The following JAKMIP1 variants were observed in gnomAD, a reference collection of about 807,000 sequenced individuals.
JAKMIP1 encodes janus kinase and microtubule interacting protein 1, also known as janus kinase and microtubule-interacting protein 1.
JAKMIP1 carries 33 observed loss-of-function variants against 113.0 expected under a neutral mutation model. That is an observed-to-expected ratio of 0.29 (90% CI 0.22 to 0.39). JAKMIP1 has a LOEUF of 0.39. JAKMIP1 is among the 10% of genes least tolerant of loss of function. The pLI, the probability that JAKMIP1 is intolerant of heterozygous loss-of-function variation, is 1.00. For missense variants in JAKMIP1, 813 were observed against 1,080.5 expected, an observed-to-expected ratio of 0.75 and a Z score of 3.47; for synonymous variants, 480 against 459.9, an observed-to-expected ratio of 1.04 and a Z score of -0.56.
chr4:6,177,857 G>T (rs889860343), intron 1 of JAKMIP1, among the ~76,000 whole-genome samples: 2 of 152,198 alleles, frequency 1.3e-5, no homozygotes, highest in African/African-American at 4.8e-5. Flanking sequence ...GCTGCAGGCT[G>T]TCCCTCTGCC....
chr4:6,151,670 C>T (rs537324223), intron 1 of JAKMIP1, among the ~76,000 whole-genome samples: 20 of 152,346 alleles, frequency 1.3e-4, no homozygotes, highest in Admixed American at 7.2e-4. Flanking sequence ...ACCTGTTCTC[C>T]TGTCTGCTGT....
At position 6,050,752 on chromosome 4, in the gene JAKMIP1, C is replaced by G. The variant is rs1715556473; in HGVS notation, c.1807-73G>C. 8.1e-7 allele frequency: 1 copy of G among 1,229,860 alleles called. No homozygotes were observed. Among genetic ancestry groups the G allele is most frequent in the South Asian group, 1.3e-5 (1 of 75,520 alleles). The allele number at this position is 1,229,860 out of a possible 1,614,324, so 76.2% of individuals were successfully genotyped here. On this transcript the variant is annotated intron_variant, in intron 13 of 20. Coordinates refer to ENST00000409021, the MANE Select transcript of JAKMIP1 (RefSeq NM_001099433.2). The surrounding 1 kb of genome is among the most constrained non-coding windows in gnomAD (Gnocchi z 7.4). ...CCACTTGCCATTTTCCCACGTTACT[C>G]AGCAAAAACCAAGGAATTCCAGTGG...
intron 1 of JAKMIP1, among the ~76,000 whole-genome samples, chr4:6,170,652 C>T (rs1189610544): frequency 6.6e-6 from 1 of 150,572 alleles, no homozygotes; most frequent in Non-Finnish European, 1.5e-5. Context: ...CTACCATTAC[C>T]ACCACCAATC....
intron 13 of JAKMIP1, chr4:6,053,651 A>G (rs1452012373): frequency 2.8e-6 from 1 of 354,196 alleles, no homozygotes; most frequent in Non-Finnish European, 4.1e-6. Context: ...TGTGTTATTA[A>G]TTGCAACAGT....
At chr4:6,062,068 C>T (rs972531693) in intron 10 of JAKMIP1, among the ~76,000 whole-genome samples, 9 of 152,232 alleles carry the variant, frequency 5.9e-5, no homozygotes, top group Admixed American at 2.6e-4. Flanking sequence ...TCCAAACAGA[C>T]GGCACAGGTG....
In JAKMIP1 at chr4:6,143,911, C is replaced by T. The variant is rs951266674; in HGVS notation, c.-147-30914G>A. Among the ~76,000 whole-genome samples the T allele has an allele frequency of 6.6e-6, 1 of 152,226 alleles. No homozygotes were observed. Among genetic ancestry groups the T allele is most frequent in the Non-Finnish European group, 1.5e-5 (1 of 68,038 alleles). The stretch of plus-strand genomic sequence containing the variant: ...ATTGGCTGATGGCTCTGGGTGAGTG[C>T]CTTCCTTCCTTCTCAGTCTCCAGGG... On this transcript the variant is annotated intron_variant, in intron 1 of 20. Coordinates refer to ENST00000409021, the MANE Select transcript of JAKMIP1 (RefSeq NM_001099433.2). This position sits in a 1 kb window ranked among gnomAD's most constrained non-coding sequence, Gnocchi z 4.9.
At chr4:6,152,522 G>A (rs929509914) in intron 1 of JAKMIP1, among the ~76,000 whole-genome samples, 1 of 152,124 alleles carries the variant, frequency 6.6e-6, no homozygotes, top group South Asian at 2.1e-4. Flanking sequence ...GAGAAAACCC[G>A]ACCTCTGATC....
rs562787597 is a variant in JAKMIP1 at position 6,059,612 on chromosome 4, C to G, written c.1644+812G>C. On this transcript the variant is annotated intron_variant, in intron 11 of 20. Transcript: ENST00000409021. This position sits in a 1 kb window ranked among gnomAD's most constrained non-coding sequence, Gnocchi z 4.8. The stretch of plus-strand genomic sequence containing the variant: ...ACGTGACTGATGAATTTTGCTGAGG[C>G]AGCAAACAGCCAAGCAGAGGAAAAG... 5.3e-5 allele frequency among the ~76,000 whole-genome samples: 8 copies of G among 152,220 alleles called. No individual in the cohort carries two copies. Among genetic ancestry groups the G allele is most frequent in the African/African-American group, 1.9e-4 (8 of 41,548 alleles).
intron 13 of JAKMIP1, among the ~76,000 whole-genome samples, chr4:6,052,092 G>A (rs923384241): frequency 2.0e-5 from 3 of 151,992 alleles, no homozygotes; most frequent in African/African-American, 4.8e-5. Flanking sequence ...TGAGACTGAA[G>A]GAAAGAGGGA....
rs185190101 is a variant in JAKMIP1, at chr4:6,066,941, C to G, written c.1303-1933G>C. On this transcript the variant is annotated intron_variant, in intron 8 of 20. Transcript: ENST00000409021. Reference sequence around the variant, plus strand: ...ACACCTGCCATGGGGCCTTTGCGCTCCGAGACGCTCTTCCCCAGAATCCAC... The same window carrying G: ...ACACCTGCCATGGGGCCTTTGCGCTGCGAGACGCTCTTCCCCAGAATCCAC... 1.6e-3 allele frequency among the ~76,000 whole-genome samples: 250 copies of G among 151,672 alleles called. 1 individual carries two copies. Among genetic ancestry groups the G allele is most frequent in the African/African-American group, 5.6e-3 (233 of 41,330 alleles).
chr4:6,075,592 G>A (rs1480245234), intron 8 of JAKMIP1, among the ~76,000 whole-genome samples: 9 of 152,152 alleles, frequency 5.9e-5, no homozygotes, highest in Admixed American at 4.6e-4. Flanking sequence ...CCCCAAATTC[G>A]GCCTCCTAAT....
rs571435664 is a variant in JAKMIP1 at position 6,184,719 on chromosome 4, C to A, written c.-148+15534G>T. Among the ~76,000 whole-genome samples the A allele has an allele frequency of 6.6e-6, 1 of 152,292 alleles. No individual in the cohort carries two copies. Among genetic ancestry groups the A allele is most frequent in the African/African-American group, 2.4e-5 (1 of 41,572 alleles). On this transcript the variant is annotated intron_variant, in intron 1 of 20. Coordinates refer to ENST00000409021, the MANE Select transcript of JAKMIP1 (RefSeq NM_001099433.2). The surrounding 1 kb of genome is among the most constrained non-coding windows in gnomAD (Gnocchi z 4.5). ...AGAAACAGCCAAACAGAATGCATAA[C>A]TACAGGATAAGTGGAGTGATGGTTA...
intron 1 of JAKMIP1, among the ~76,000 whole-genome samples, chr4:6,169,178 G>T (rs146949015): frequency 6.6e-6 from 1 of 152,078 alleles, no homozygotes; most frequent in African/African-American, 2.4e-5. Flanking sequence ...TCATGTATTG[G>T]GTTGAATAGT....
chr4:6,126,671 A>C (rs565035286), intron 1 of JAKMIP1, among the ~76,000 whole-genome samples: 129 of 146,308 alleles, frequency 8.8e-4, no homozygotes, highest in Non-Finnish European at 8.8e-4. Flanking sequence ...TGCCCCCCCC[A>C]CACACACCCA....
rs561901261 is a variant in JAKMIP1 at position 6,108,928 on chromosome 4, C to T, written c.130-2961G>A. ...TACAGGTATGCGTACATACGCAGGT[C>T]AGTATACACATATATATTCCTTGTT... On this transcript the variant is annotated intron_variant, in intron 2 of 20. Transcript: ENST00000409021. The surrounding 1 kb of genome is among the most constrained non-coding windows in gnomAD (Gnocchi z 5.6). Among the ~76,000 whole-genome samples, 30 of 152,316 alleles carry T rather than the reference C, an allele frequency of 2.0e-4. No individual in the cohort carries two copies. The highest frequency in any genetic ancestry group is 5.3e-4 in the African/African-American group (22 of 41,564).
chr4:6,169,978 ACTACCACCACC>A (rs1724168036), intron 1 of JAKMIP1, among the ~76,000 whole-genome samples: 1 of 116,174 alleles, frequency 8.6e-6, no homozygotes, highest in Non-Finnish European at 1.9e-5. Flanking sequence ...CACCACCACC[ACTACCACCACC>A]ACCACCACCA....
intron 1 of JAKMIP1, among the ~76,000 whole-genome samples, chr4:6,171,626 G>A (rs1027093735): frequency 6.6e-6 from 1 of 152,218 alleles, no homozygotes; most frequent in South Asian, 2.1e-4. Flanking sequence ...GGAATGCCAA[G>A]AGCATGAGTG....
rs1328459412 is a variant in JAKMIP1 at position 6,029,697 on chromosome 4, C to G, written c.2445+19G>C. On this transcript the variant is annotated intron_variant, in intron 20 of 20. Coordinates refer to ENST00000409021, the MANE Select transcript of JAKMIP1 (RefSeq NM_001099433.2). ...TCATGGAAAGAAACCTGGGGACAGTCTGAGCTGCAGTCACCTACCTTTTCC... is the reference window on the plus strand; with the variant it reads ...TCATGGAAAGAAACCTGGGGACAGTGTGAGCTGCAGTCACCTACCTTTTCC... 1.9e-6 allele frequency: 3 copies of G among 1,557,584 alleles called. No individual in the cohort carries two copies. In the Admixed American group the frequency reaches 5.3e-5, roughly 28 times the overall value.
intron 1 of JAKMIP1, among the ~76,000 whole-genome samples, chr4:6,173,301 G>C (rs1169130289): frequency 6.6e-6 from 1 of 152,180 alleles, no homozygotes; most frequent in Non-Finnish European, 1.5e-5. Context: ...TGTAGGGGAA[G>C]GAAAGAAATG....
Sources: allele counts gnomAD v4.1 joint callset (sites outside exome capture counted in the v4.1 genomes callset), GRCh38; gene constraint gnomAD v4.1.1; non-coding constraint Gnocchi (gnomAD v3.1); transcripts MANE v1.5; gene names NCBI Gene and HGNC (gene_info 2026-07-23, HGNC 2026-07-21).